The following GALNT13 variants were observed in gnomAD, a reference collection of about 807,000 sequenced individuals.
GALNT13 encodes the protein polypeptide N-acetylgalactosaminyltransferase 13, also known as UDP-GalNAc:polypeptide N-acetylgalactosaminyltransferase 13.
In GALNT13, 28 loss-of-function variants were observed where a neutral mutation model predicts 64.2. The observed-to-expected ratio is 0.44, with a 90% confidence interval of 0.32 to 0.60. The LOEUF is 0.60. Among genes scored for constraint, GALNT13 ranks in the 20% least tolerant of loss-of-function variants. The pLI is 0.05. For missense variants in GALNT13, 577 were observed against 669.8 expected, an observed-to-expected ratio of 0.86 and a Z score of 1.53; for synonymous variants, 214 against 224.6, an observed-to-expected ratio of 0.95 and a Z score of 0.42.
chr2:154,277,541 C>T (rs1311795052), intron 8 of GALNT13, among the ~76,000 whole-genome samples: 2 of 151,992 alleles, frequency 1.3e-5, no homozygotes, highest in Non-Finnish European at 2.9e-5. Context: ...AAAAAGGAAA[C>T]CAATTATGAG....
At chr2:153,415,352 G>A in the GALNT13 span, among the ~76,000 whole-genome samples, 1 of 152,080 alleles carries the variant, frequency 6.6e-6, no homozygotes, top group Non-Finnish European at 1.5e-5. Flanking sequence ...CCTGAACCAC[G>A]GTCACATAGG....
At chr2:154,051,599 C>T (rs377317768) in intron 3 of GALNT13, among the ~76,000 whole-genome samples, 1 of 152,086 alleles carries the variant, frequency 6.6e-6, no homozygotes, top group African/African-American at 2.4e-5. Context: ...CATCTTACTC[C>T]TTCTTGAAGT....
chr2:153,228,079 CT>C, the GALNT13 span, among the ~76,000 whole-genome samples: 855 of 152,236 alleles, frequency 5.6e-3, 8 homozygotes, highest in African/African-American at 0.019. Flanking sequence ...GAATACTGAG[CT>C]TTAAGATGTA....
At chr2:153,792,831 C>A in the GALNT13 span, among the ~76,000 whole-genome samples, 3 of 152,052 alleles carry the variant, frequency 2.0e-5, no homozygotes. Context: ...TCAAATTGTT[C>A]TGCAAAAAAG....
the GALNT13 span, among the ~76,000 whole-genome samples, chr2:153,258,369 A>AAAAACAAAACAAAAAAC: frequency 6.8e-6 from 1 of 147,042 alleles, no homozygotes; most frequent in South Asian, 2.2e-4. Context: ...CTGGTCTCCC[A>AAAAACAAAACAAAAAAC]AAAACAAAAC....
Position 154,451,628 on chromosome 2 carries a change from G to A in GALNT13, c.*1077G>A, listed in dbSNP as rs1701873547. On this transcript the variant is annotated 3_prime_UTR_variant, in exon 13 of 13. Transcript: ENST00000392825. ...ATTAAACTTTTGTTGTAATTAAACT[G>A]CTATATATTGTTTGCCATATATTAT... The A allele has an allele frequency of 6.6e-6, 1 of 151,982 alleles. No homozygotes were observed. The highest frequency in any genetic ancestry group is 6.6e-5 in the Admixed American group (1 of 15,224). 9.4% of individuals were successfully genotyped at this position (151,982 alleles called of 1,614,324 possible). A position where few individuals can be genotyped will look rare whatever the true frequency, so the allele number is the denominator to read the frequency against.
chr2:153,099,624 T>C, the GALNT13 span, among the ~76,000 whole-genome samples: 1 of 152,232 alleles, frequency 6.6e-6, no homozygotes, highest in Admixed American at 6.5e-5. Flanking sequence ...TGTGAAATAC[T>C]GTACTATGCA....
the GALNT13 span, among the ~76,000 whole-genome samples, chr2:153,451,293 T>A: frequency 6.6e-6 from 1 of 152,202 alleles, no homozygotes; most frequent in Non-Finnish European, 1.5e-5. Context: ...AGCTTTAGCC[T>A]GTTTTCAGTA....
chr2:153,659,315 C>A, the GALNT13 span, among the ~76,000 whole-genome samples: 4 of 152,024 alleles, frequency 2.6e-5, no homozygotes, highest in Non-Finnish European at 4.4e-5. Context: ...CCCCCCCATC[C>A]CTTGAGATTA....
intron 2 of GALNT13, among the ~76,000 whole-genome samples, chr2:153,919,537 T>G (rs915635214): frequency 1.3e-5 from 2 of 151,962 alleles, no homozygotes; most frequent in Non-Finnish European, 2.9e-5. Context: ...GCCTTTGATT[T>G]TATTTAGAAC....
chr2:153,392,296 C>T, the GALNT13 span, among the ~76,000 whole-genome samples: 7 of 149,690 alleles, frequency 4.7e-5, no homozygotes, highest in Admixed American at 1.3e-4. Context: ...TTAAATTTAC[C>T]GTCTTCAAAC....
At chr2:154,352,352 C>T (rs1023485806) in intron 9 of GALNT13, among the ~76,000 whole-genome samples, 8 of 152,176 alleles carry the variant, frequency 5.3e-5, no homozygotes. Flanking sequence ...TGGTTTCCCC[C>T]AAACTTGTCT....
intron 2 of GALNT13, among the ~76,000 whole-genome samples, chr2:153,909,003 T>C (rs2105310776): frequency 6.6e-6 from 1 of 152,290 alleles, no homozygotes; most frequent in African/African-American, 2.4e-5. Context: ...ATTTTAATGA[T>C]ATTGATTCCT....
intron 4 of GALNT13, among the ~76,000 whole-genome samples, chr2:154,202,473 T>C (rs1042214504): frequency 1.3e-5 from 2 of 152,186 alleles, no homozygotes; most frequent in East Asian, 1.9e-4. Flanking sequence ...TTACAGATTA[T>C]GATTATGACT....
intron 3 of GALNT13, among the ~76,000 whole-genome samples, chr2:154,070,968 A>G (rs566294633): frequency 8.5e-4 from 129 of 152,070 alleles, no homozygotes; most frequent in Non-Finnish European, 1.7e-3. Flanking sequence ...ACTTAGCTAT[A>G]TATAAGGAGA....
chr2:154,359,208 A>C (rs1696923019), intron 9 of GALNT13, among the ~76,000 whole-genome samples: 1 of 152,118 alleles, frequency 6.6e-6, no homozygotes, highest in Non-Finnish European at 1.5e-5. Flanking sequence ...ATGAGGTTGA[A>C]ACTAGACCGG....
chr2:153,452,670 A>T, the GALNT13 span, among the ~76,000 whole-genome samples: 3 of 152,056 alleles, frequency 2.0e-5, no homozygotes, highest in Admixed American at 1.3e-4. Context: ...GGATTGCAAG[A>T]ATCAATACTG....
At chr2:154,137,950 A>G (rs549321114) in intron 3 of GALNT13, among the ~76,000 whole-genome samples, 2 of 152,088 alleles carry the variant, frequency 1.3e-5, no homozygotes, top group African/African-American at 4.8e-5. Flanking sequence ...GAAGGTCACA[A>G]AGTTTCCCAT....
At chr2:153,918,520 G>C (rs1274470820) in intron 2 of GALNT13, among the ~76,000 whole-genome samples, 1 of 152,052 alleles carries the variant, frequency 6.6e-6, no homozygotes. Context: ...CAGATCATGT[G>C]CAGAGAAAAT....
Sources: allele counts gnomAD v4.1 joint callset (sites outside exome capture counted in the v4.1 genomes callset), GRCh38; gene constraint gnomAD v4.1.1; transcripts MANE v1.5; gene names NCBI Gene and HGNC (gene_info 2026-07-23, HGNC 2026-07-21).